AFG2A: variants seen among roughly 807,000 people sequenced by gnomAD.
AFG2A encodes AAA ATPase AFG2A.
chr4:123,276,294 T>C, the AFG2A span, among the ~76,000 whole-genome samples: 2 of 152,218 alleles, frequency 1.3e-5, no homozygotes, highest in African/African-American at 4.8e-5. Context: ...CTTTTGAAAG[T>C]GTCTGTTCAT....
chr4:123,032,839 T>C, the AFG2A span, among the ~76,000 whole-genome samples: 1 of 152,242 alleles, frequency 6.6e-6, no homozygotes, highest in Non-Finnish European at 1.5e-5. Flanking sequence ...GCCAACATTC[T>C]AGAATGTACT....
At chr4:123,000,635 T>A in the AFG2A span, among the ~76,000 whole-genome samples, 3 of 105,262 alleles carry the variant, frequency 2.9e-5, no homozygotes, top group Admixed American at 2.1e-4. Context: ...GAACCAGCCT[T>A]GCATGCCAGG....
At chr4:123,010,394 T>C in the AFG2A span, among the ~76,000 whole-genome samples, 1 of 55,682 alleles carries the variant, frequency 1.8e-5, no homozygotes, top group Non-Finnish European at 5.7e-5. Context: ...AGTGTATGTT[T>C]TAATGTATTT....
At chr4:123,264,275 G>A in the AFG2A span, among the ~76,000 whole-genome samples, 1 of 152,240 alleles carries the variant, frequency 6.6e-6, no homozygotes, top group African/African-American at 2.4e-5. Context: ...CTGCTTGGGT[G>A]ATGAGTGCAC....
chr4:123,177,697 T>G, the AFG2A span, among the ~76,000 whole-genome samples: 1 of 152,192 alleles, frequency 6.6e-6, no homozygotes, highest in Non-Finnish European at 1.5e-5. Flanking sequence ...AAACTTAACT[T>G]TGATTTTTCT....
chr4:123,139,711 C>T, the AFG2A span, among the ~76,000 whole-genome samples: 8 of 151,930 alleles, frequency 5.3e-5, no homozygotes, highest in Non-Finnish European at 8.8e-5. Context: ...TAAGTCAAAA[C>T]TTATGTTGCA....
At chr4:123,304,523 G>T in the AFG2A span, among the ~76,000 whole-genome samples, 4 of 152,136 alleles carry the variant, frequency 2.6e-5, no homozygotes, top group African/African-American at 7.2e-5. Context: ...GCCCTCCAGC[G>T]GCTGCACCAC....
At chr4:123,242,951 T>C in the AFG2A span, among the ~76,000 whole-genome samples, 2 of 151,930 alleles carry the variant, frequency 1.3e-5, no homozygotes, top group African/African-American at 4.8e-5. Context: ...TGAATAGACA[T>C]CCCTCAAAAG....
chr4:123,205,470 A>G, the AFG2A span, among the ~76,000 whole-genome samples: 4 of 152,236 alleles, frequency 2.6e-5, no homozygotes, highest in Non-Finnish European at 5.9e-5. Context: ...AGTAAAAAAT[A>G]ATGCAACAAT....
chr4:122,957,877 A>G, the AFG2A span, among the ~76,000 whole-genome samples: 1 of 152,186 alleles, frequency 6.6e-6, no homozygotes, highest in African/African-American at 2.4e-5. Context: ...TTTGGAGGCA[A>G]TATTAATGAC....
the AFG2A span, chr4:123,028,121 T>A: frequency 5.2e-6 from 7 of 1,356,902 alleles, no homozygotes; most frequent in Non-Finnish European, 6.2e-6. Flanking sequence ...ATATGTTTTT[T>A]ATTTTTTTTT....
chr4:123,119,113 T>C, the AFG2A span, among the ~76,000 whole-genome samples: 1 of 152,134 alleles, frequency 6.6e-6, no homozygotes, highest in African/African-American at 2.4e-5. Context: ...TTATTGAATC[T>C]TTCCTATTTA....
the AFG2A span, among the ~76,000 whole-genome samples, chr4:123,167,418 G>A: frequency 2.6e-5 from 4 of 151,894 alleles, no homozygotes; most frequent in Non-Finnish European, 5.9e-5. Flanking sequence ...CACGATTTCG[G>A]CTCTCTGCAA....
chr4:123,297,072 G>A, the AFG2A span, among the ~76,000 whole-genome samples: 73 of 152,102 alleles, frequency 4.8e-4, 1 homozygote, highest in East Asian at 0.011. Context: ...AAACTGAACC[G>A]CCCCAGATTG....
the AFG2A span, among the ~76,000 whole-genome samples, chr4:123,209,661 C>T: frequency 2.7e-5 from 4 of 147,936 alleles, no homozygotes; most frequent in African/African-American, 1.0e-4. Context: ...AATCATAGCT[C>T]GCTGCAGCCT....
At chr4:123,138,607 C>A in the AFG2A span, among the ~76,000 whole-genome samples, 2 of 152,022 alleles carry the variant, frequency 1.3e-5, no homozygotes, top group East Asian at 3.9e-4. Context: ...TTTAAAAATA[C>A]CTTATGGGAA....
the AFG2A span, among the ~76,000 whole-genome samples, chr4:123,108,180 C>T: frequency 1.3e-5 from 2 of 152,262 alleles, no homozygotes; most frequent in Admixed American, 1.3e-4. Context: ...ATCATTACTC[C>T]CAAGTTTCGG....
chr4:123,178,492 C>G, the AFG2A span, among the ~76,000 whole-genome samples: 1 of 152,154 alleles, frequency 6.6e-6, no homozygotes, highest in Admixed American at 6.5e-5. Context: ...AGAAATTTTG[C>G]TGATGAAAAC....
chr4:122,972,553 T>TA, the AFG2A span, among the ~76,000 whole-genome samples: 36 of 151,372 alleles, frequency 2.4e-4, no homozygotes, highest in Non-Finnish European at 4.0e-4. Flanking sequence ...TTTTTTTTTT[T>TA]ATCTACATTA....
Sources: gnomAD v4.1 joint callset for allele counts (sites outside exome capture counted in the v4.1 genomes callset) on GRCh38, gnomAD v4.1.1 for gene constraint, MANE v1.5 for transcripts, NCBI Gene and HGNC (gene_info 2026-07-23, HGNC 2026-07-21) for gene names.